ERC2: variants seen among roughly 807,000 people sequenced by gnomAD.
ERC2 encodes ELKS/RAB6-interacting/CAST family member 2.
In ERC2, 42 loss-of-function variants were observed where a neutral mutation model predicts 114.8. The ratio of observed to expected loss-of-function variants is 0.37; its 90% confidence interval spans 0.29 to 0.47. The LOEUF (loss-of-function observed/expected upper bound fraction) is 0.47. ERC2 is among the 20% of genes least tolerant of loss of function. The pLI, the probability that ERC2 is intolerant of heterozygous loss-of-function variation, is 0.99. For synonymous variants in ERC2, 454 were observed against 425.5 expected (o/e 1.07, Z -0.82); for missense variants, 939 against 1,150.7 (o/e 0.82, Z 2.66).
chr3:55,757,392 G>T (rs1033817576), intron 14 of ERC2, among the ~76,000 whole-genome samples: 1 of 152,220 alleles, frequency 6.6e-6, no homozygotes, highest in East Asian at 1.9e-4. Flanking sequence ...TAGGTGAGGA[G>T]GTGAGTATTG....
intron 8 of ERC2, among the ~76,000 whole-genome samples, chr3:56,015,926 T>C (rs2073275115): frequency 1.3e-5 from 2 of 152,214 alleles, no homozygotes; most frequent in African/African-American, 4.8e-5. Flanking sequence ...GGTATCTCAC[T>C]GTGGTTTTGA....
chr3:56,021,456 A>C (rs546123556), intron 7 of ERC2, among the ~76,000 whole-genome samples: 81 of 152,310 alleles, frequency 5.3e-4, no homozygotes, highest in Non-Finnish European at 9.7e-4. Flanking sequence ...TAAATACTAT[A>C]CACATGAGTA....
intron 14 of ERC2, among the ~76,000 whole-genome samples, chr3:55,759,462 T>TAAAAAAAA (rs540204065): frequency 5.5e-5 from 2 of 36,076 alleles, no homozygotes; most frequent in African/African-American, 2.1e-4. Flanking sequence ...TCTCTTTCAT[T>TAAAAAAAA]AAAAAAAAAA....
intron 3 of ERC2, among the ~76,000 whole-genome samples, chr3:56,233,447 C>A (rs1319182944): frequency 2.6e-5 from 4 of 152,014 alleles, no homozygotes; most frequent in Non-Finnish European, 5.9e-5. Context: ...ATGGTGAAAC[C>A]CCATCTCTAC....
At chr3:55,904,244 A>G (rs2064303173) in intron 13 of ERC2, among the ~76,000 whole-genome samples, 1 of 152,198 alleles carries the variant, frequency 6.6e-6, no homozygotes, top group Non-Finnish European at 1.5e-5. Flanking sequence ...CAAAATGGAT[A>G]CAGATCATAT....
At chr3:56,461,745 A>T (rs1167967893) in intron 1 of ERC2, among the ~76,000 whole-genome samples, 1 of 152,222 alleles carries the variant, frequency 6.6e-6, no homozygotes, top group Non-Finnish European at 1.5e-5. Flanking sequence ...CAACATAAAG[A>T]CACTTCATAC....
At chr3:55,595,989 G>A (rs1417538576) in intron 17 of ERC2, among the ~76,000 whole-genome samples, 1 of 152,178 alleles carries the variant, frequency 6.6e-6, no homozygotes, top group African/African-American at 2.4e-5. Flanking sequence ...GAGGATACTA[G>A]AGAAAGCCCT....
intron 14 of ERC2, among the ~76,000 whole-genome samples, chr3:55,839,717 T>C (rs921813165): frequency 4.0e-5 from 6 of 151,642 alleles, no homozygotes; most frequent in Non-Finnish European, 3.0e-5. Context: ...ATTGCCAAGA[T>C]AAAGGTGAAT....
At chr3:56,401,600 A>T (rs552457663) in intron 2 of ERC2, among the ~76,000 whole-genome samples, 57 of 152,324 alleles carry the variant, frequency 3.7e-4, no homozygotes, top group African/African-American at 1.2e-3. Flanking sequence ...GCAGGTATAT[A>T]TATCTACATG....
chr3:55,702,298 G>A (rs1464956469), intron 15 of ERC2, among the ~76,000 whole-genome samples: 1 of 152,200 alleles, frequency 6.6e-6, no homozygotes, highest in Non-Finnish European at 1.5e-5. Flanking sequence ...TGTACACAGA[G>A]CAATTGTGAG....
chr3:55,803,001 T>C (rs915714534), intron 14 of ERC2, among the ~76,000 whole-genome samples: 2 of 152,180 alleles, frequency 1.3e-5, no homozygotes, highest in Non-Finnish European at 2.9e-5. Flanking sequence ...AGTTCGCTCA[T>C]GTGGAATGTA....
At chr3:55,673,399 A>G (rs1043705769) in intron 17 of ERC2, among the ~76,000 whole-genome samples, 2 of 152,180 alleles carry the variant, frequency 1.3e-5, no homozygotes, top group South Asian at 4.1e-4. Flanking sequence ...CCTGGCCAAC[A>G]TGGTGAAACC....
intron 2 of ERC2, among the ~76,000 whole-genome samples, chr3:56,418,237 G>T (rs542290321): frequency 1.3e-5 from 2 of 150,604 alleles, no homozygotes; most frequent in South Asian, 4.2e-4. Context: ...GATCAAGGAT[G>T]CAGTAAGCTA....
intron 17 of ERC2, among the ~76,000 whole-genome samples, chr3:55,669,464 G>A (rs1310774055): frequency 1.3e-5 from 2 of 152,140 alleles, no homozygotes; most frequent in Admixed American, 6.5e-5. Context: ...ATTCTGGCTC[G>A]GCCAAGATAA....
chr3:56,186,753 G>A (rs960256094), intron 3 of ERC2, among the ~76,000 whole-genome samples: 16 of 152,132 alleles, frequency 1.1e-4, no homozygotes, highest in Non-Finnish European at 1.5e-4. Context: ...TGGCGAGACT[G>A]GTCATGAACT....
At chr3:55,692,119 C>A (rs2062699964) in intron 16 of ERC2, among the ~76,000 whole-genome samples, 1 of 152,166 alleles carries the variant, frequency 6.6e-6, no homozygotes, top group Non-Finnish European at 1.5e-5. Flanking sequence ...AGGTTGGACC[C>A]CTTGCCTGTC....
chr3:55,515,923 G>C (rs2052467001), intron 17 of ERC2, among the ~76,000 whole-genome samples: 1 of 152,164 alleles, frequency 6.6e-6, no homozygotes, highest in Non-Finnish European at 1.5e-5. Flanking sequence ...TAAACACGGA[G>C]GGGTTAAAGG....
intron 13 of ERC2, among the ~76,000 whole-genome samples, chr3:55,919,054 AT>A (rs1018244183): frequency 6.6e-6 from 1 of 152,180 alleles, no homozygotes; most frequent in Non-Finnish European, 1.5e-5. Flanking sequence ...AATAACTAAT[AT>A]GGCAACCATT....
At chr3:56,325,613 T>C (rs1042434643) in intron 2 of ERC2, among the ~76,000 whole-genome samples, 1 of 152,206 alleles carries the variant, frequency 6.6e-6, no homozygotes, top group Non-Finnish European at 1.5e-5. Context: ...TCATGAAAAT[T>C]ATGAAGTTGT....
Sources: allele counts gnomAD v4.1 joint callset (sites outside exome capture counted in the v4.1 genomes callset), GRCh38; gene constraint gnomAD v4.1.1; transcripts MANE v1.5; gene names NCBI Gene and HGNC (gene_info 2026-07-23, HGNC 2026-07-21).